Variants in CDH13 observed in about 807,000 individuals in gnomAD.
CDH13 encodes the protein cadherin 13.
Under a neutral mutation model 63.8 loss-of-function variants are expected in CDH13, and 24 were observed. That is an observed-to-expected ratio of 0.38 (90% CI 0.27 to 0.53). CDH13 has a LOEUF of 0.53. Ranked by LOEUF, CDH13 falls within the 20% of genes least tolerant of loss-of-function variation. The pLI, the probability that CDH13 is intolerant of heterozygous loss-of-function variation, is 0.85. For synonymous variants in CDH13, 503 were observed against 355.3 expected (o/e 1.42, Z -4.67); for missense variants, 1,049 against 903.1 (o/e 1.16, Z -2.07).
At chr16:83,073,657 A>G (rs889103627) in intron 3 of CDH13, among the ~76,000 whole-genome samples, 3 of 152,040 alleles carry the variant, frequency 2.0e-5, no homozygotes, top group Admixed American at 2.0e-4. Context: ...GAAACAGAGA[A>G]AATGTGGCCT....
intron 5 of CDH13, among the ~76,000 whole-genome samples, chr16:83,267,828 G>A (rs371478765): frequency 6.6e-6 from 1 of 152,224 alleles, no homozygotes; most frequent in South Asian, 2.1e-4. Flanking sequence ...TGTTGTCATA[G>A]CATAAAATGG....
At chr16:83,315,161 C>A (rs1031344790) in intron 5 of CDH13, among the ~76,000 whole-genome samples, 4 of 152,202 alleles carry the variant, frequency 2.6e-5, no homozygotes, top group African/African-American at 9.7e-5. Flanking sequence ...TAATTGTGAT[C>A]ATCATTTATC....
chr16:82,696,258 A>T (rs1169273866), intron 1 of CDH13, among the ~76,000 whole-genome samples: 1 of 152,202 alleles, frequency 6.6e-6, no homozygotes, highest in South Asian at 2.1e-4. Flanking sequence ...CACGTTATAT[A>T]TTATTCAAAT....
intron 6 of CDH13, among the ~76,000 whole-genome samples, chr16:83,366,869 C>T (rs1298484648): frequency 3.3e-5 from 5 of 152,078 alleles, no homozygotes; most frequent in African/African-American, 9.7e-5. Context: ...ACATACTGTG[C>T]GTAAGTTATG....
chr16:83,122,027 G>A (rs2035605913), intron 3 of CDH13, among the ~76,000 whole-genome samples: 1 of 151,962 alleles, frequency 6.6e-6, no homozygotes, highest in African/African-American at 2.4e-5. Flanking sequence ...AAGATGGAAT[G>A]AAACTATCAT....
intron 1 of CDH13, among the ~76,000 whole-genome samples, chr16:82,733,341 G>T (rs754372242): frequency 1.3e-5 from 2 of 151,016 alleles, no homozygotes; most frequent in African/African-American, 2.4e-5. Flanking sequence ...TAATTGTTCT[G>T]TTTTTCTTAT....
At chr16:83,467,197 C>A (rs947591975) in intron 6 of CDH13, among the ~76,000 whole-genome samples, 1 of 152,174 alleles carries the variant, frequency 6.6e-6, no homozygotes, top group African/African-American at 2.4e-5. Flanking sequence ...TCTGCTCAAA[C>A]GTTTTGTGGT....
chr16:83,163,138 C>A (rs774758529), intron 4 of CDH13, among the ~76,000 whole-genome samples: 3 of 152,136 alleles, frequency 2.0e-5, no homozygotes, highest in Admixed American at 6.5e-5. Flanking sequence ...TCTTATCTGC[C>A]ACCATGTGAG....
intron 2 of CDH13, among the ~76,000 whole-genome samples, chr16:82,934,051 C>T (rs1273344256): frequency 6.6e-6 from 1 of 152,222 alleles, no homozygotes; most frequent in East Asian, 1.9e-4. Context: ...TTTCTCACAG[C>T]TCAACTAGGC....
intron 1 of CDH13, among the ~76,000 whole-genome samples, chr16:82,677,101 C>A (rs1317494542): frequency 6.6e-6 from 1 of 152,206 alleles, no homozygotes; most frequent in Non-Finnish European, 1.5e-5. Context: ...CCAGGATGAT[C>A]TTGATCTCTT....
chr16:83,273,406 A>G (rs2088886688), intron 5 of CDH13, among the ~76,000 whole-genome samples: 1 of 152,040 alleles, frequency 6.6e-6, no homozygotes, highest in African/African-American at 2.4e-5. Context: ...GTACTCATAG[A>G]CATAGTAGTG....
chr16:83,671,038 T>G, intron 9 of CDH13, 66 bp downstream of exon 9: 2 of 1,369,956 alleles, frequency 1.5e-6, no homozygotes, highest in East Asian at 4.6e-5. Flanking sequence ...AGGCAGCTCA[T>G]AGAATCATTG....
intron 10 of CDH13, among the ~76,000 whole-genome samples, chr16:83,700,383 C>T (rs2150907011): frequency 6.6e-6 from 1 of 152,288 alleles, no homozygotes; most frequent in South Asian, 2.1e-4. Context: ...GGCTCTCTGT[C>T]TTTAGAAACC....
chr16:82,780,175 G>A (rs763132983), intron 1 of CDH13, among the ~76,000 whole-genome samples: 3 of 152,036 alleles, frequency 2.0e-5, no homozygotes, highest in African/African-American at 7.2e-5. Context: ...GAAAGGTCAG[G>A]ACTATATATT....
chr16:83,428,078 C>T (rs1477206284), intron 6 of CDH13, among the ~76,000 whole-genome samples: 3 of 152,138 alleles, frequency 2.0e-5, no homozygotes, highest in African/African-American at 7.2e-5. Flanking sequence ...CAGAGAGGGT[C>T]ATTTATGTTC....
intron 6 of CDH13, among the ~76,000 whole-genome samples, chr16:83,393,720 C>T (rs921596186): frequency 2.0e-5 from 3 of 152,180 alleles, no homozygotes; most frequent in Non-Finnish European, 2.9e-5. Flanking sequence ...ATCCCCTGGT[C>T]AAGGAACCAG....
At chr16:83,052,299 G>A (rs1406476918) in intron 3 of CDH13, among the ~76,000 whole-genome samples, 1 of 152,028 alleles carries the variant, frequency 6.6e-6, no homozygotes, top group Non-Finnish European at 1.5e-5. Flanking sequence ...CATTTCTTTG[G>A]CAAGAAGCAG....
At chr16:83,008,877 G>T (rs965185943) in intron 2 of CDH13, among the ~76,000 whole-genome samples, 1 of 152,200 alleles carries the variant, frequency 6.6e-6, no homozygotes. Flanking sequence ...GTTCAGCATG[G>T]CTGGGGAGGT....
At chr16:83,566,980 C>T (rs1346399457) in intron 7 of CDH13, among the ~76,000 whole-genome samples, 1 of 152,220 alleles carries the variant, frequency 6.6e-6, no homozygotes, top group African/African-American at 2.4e-5. Flanking sequence ...CCCTCCATCC[C>T]TGGGAGATTT....
Sources: allele counts gnomAD v4.1 joint callset (sites outside exome capture counted in the v4.1 genomes callset), GRCh38; gene constraint gnomAD v4.1.1; transcripts MANE v1.5; gene names NCBI Gene and HGNC (gene_info 2026-07-23, HGNC 2026-07-21).